ANXA10: variants seen among roughly 807,000 people sequenced by gnomAD.
ANXA10 encodes annexin 14.
A neutral mutation model predicts 53.5 loss-of-function variants in ANXA10; 49 were observed. The observed-to-expected ratio is 0.92, with a 90% CI of 0.73 to 1.16. The LOEUF is 1.16. ANXA10 is among the 50% of genes most tolerant of loss of function. The pLI, the probability that ANXA10 is intolerant of heterozygous loss-of-function variation, is 0.00. For missense variants in ANXA10, 393 were observed against 394.4 expected, an observed-to-expected ratio of 1.00 and a Z score of 0.03; for synonymous variants, 131 against 128.9, an observed-to-expected ratio of 1.02 and a Z score of -0.11.
At chr4:168,181,123 A>G (rs2149481589) in intron 9 of ANXA10, among the ~76,000 whole-genome samples, 1 of 152,300 alleles carries the variant, frequency 6.6e-6, no homozygotes, top group African/African-American at 2.4e-5. Flanking sequence ...TTTAATATTC[A>G]GATAAAGATG....
intron 1 of ANXA10, among the ~76,000 whole-genome samples, chr4:168,120,571 A>C (rs1730968694): frequency 6.6e-6 from 1 of 152,118 alleles, no homozygotes; most frequent in African/African-American, 2.4e-5. Flanking sequence ...CAGAATGTAC[A>C]TGTAATAAAT....
At chr4:168,126,490 C>A (rs1226014021) in intron 1 of ANXA10, among the ~76,000 whole-genome samples, 1 of 152,118 alleles carries the variant, frequency 6.6e-6, no homozygotes, top group African/African-American at 2.4e-5. Flanking sequence ...TTGTGGCTAC[C>A]ACCTCCAACT....
chr4:168,155,495 A>G (rs1264085041), intron 3 of ANXA10, among the ~76,000 whole-genome samples: 2 of 19,066 alleles, frequency 1.0e-4, no homozygotes, highest in African/African-American at 7.2e-4. Context: ...TATATAATAT[A>G]TAATTATATA....
intron 6 of ANXA10, among the ~76,000 whole-genome samples, chr4:168,168,177 C>G (rs1731916819): frequency 6.6e-6 from 1 of 152,168 alleles, no homozygotes; most frequent in African/African-American, 2.4e-5. Context: ...TAGTCTCCTT[C>G]CACCGTTACA....
intron 1 of ANXA10, among the ~76,000 whole-genome samples, chr4:168,107,097 G>A (rs983292451): frequency 2.6e-5 from 4 of 152,184 alleles, no homozygotes; most frequent in African/African-American, 7.2e-5. Context: ...AACGTATCCT[G>A]TAAAATTATC....
chr4:168,182,141 G>A (rs971501671), intron 10 of ANXA10, among the ~76,000 whole-genome samples: 1 of 151,960 alleles, frequency 6.6e-6, no homozygotes, highest in Non-Finnish European at 1.5e-5. Context: ...TGCCACGTTC[G>A]TGAAGTTTCA....
At chr4:168,103,803 CTTTA>C (rs1351332165) in intron 1 of ANXA10, among the ~76,000 whole-genome samples, 4 of 151,924 alleles carry the variant, frequency 2.6e-5, no homozygotes, top group South Asian at 2.1e-4. Context: ...TGGTACATAT[CTTTA>C]TTTATTTATC....
At chr4:168,113,820 A>G (rs145082255) in intron 1 of ANXA10, among the ~76,000 whole-genome samples, 81 of 152,336 alleles carry the variant, frequency 5.3e-4, no homozygotes, top group African/African-American at 1.9e-3. Context: ...ATGGTGTTGA[A>G]TTACTTCTTT....
rs774120531 is a variant in ANXA10, at chr4:168,164,303, AT to A, written c.400+16del. On this transcript the variant is annotated intron_variant, in intron 5 of 11. Coordinates refer to ENST00000359299, the MANE Select transcript of ANXA10 (RefSeq NM_007193.5). Reference sequence around the variant, plus strand: ...CTACTGCTTGCGTAAGGAAATATACATATGTGAATATATTTTACACATATAA... The same window carrying A: ...CTACTGCTTGCGTAAGGAAATATACAATGTGAATATATTTTACACATATAA... 38 of 1,548,472 alleles carry A rather than the reference AT, an allele frequency of 2.5e-5. No homozygotes were observed. Among genetic ancestry groups the A allele is most frequent in the Non-Finnish European group, 1.4e-5 (16 of 1,122,992 alleles).
At chr4:168,143,474 T>G (rs761638173) in intron 3 of ANXA10, among the ~76,000 whole-genome samples, 8 of 152,178 alleles carry the variant, frequency 5.3e-5, no homozygotes, top group Non-Finnish European at 1.2e-4. Flanking sequence ...TTGCAGAAAC[T>G]AATCCCTAGA....
At chr4:168,128,289 A>G in intron 2 of ANXA10, 124 bp downstream of exon 2, 1 of 560,862 alleles carries the variant, frequency 1.8e-6, no homozygotes. Flanking sequence ...TTAGACAAAA[A>G]AAAAAAAAAC....
At chr4:168,166,938 G>C (rs1445702659) in intron 6 of ANXA10, among the ~76,000 whole-genome samples, 3 of 152,038 alleles carry the variant, frequency 2.0e-5, no homozygotes. Context: ...CAGGTGGAGG[G>C]GACTAGAGTG....
chr4:168,136,840 TTAG>T (rs1389194810), intron 2 of ANXA10, among the ~76,000 whole-genome samples: 1 of 152,204 alleles, frequency 6.6e-6, no homozygotes. Context: ...CCACACTGCC[TTAG>T]TAGAGGTTCC....
At chr4:168,115,601 A>G (rs1730881575) in intron 1 of ANXA10, among the ~76,000 whole-genome samples, 1 of 151,234 alleles carries the variant, frequency 6.6e-6, no homozygotes, top group African/African-American at 2.4e-5. Flanking sequence ...TTTTGTTTTT[A>G]CTTGTAGGGT....
intron 6 of ANXA10, among the ~76,000 whole-genome samples, chr4:168,166,580 G>A (rs1411013760): frequency 6.6e-6 from 1 of 151,858 alleles, no homozygotes; most frequent in East Asian, 1.9e-4. Flanking sequence ...GGCCACAGCT[G>A]AGAAACATGT....
intron 1 of ANXA10, among the ~76,000 whole-genome samples, chr4:168,100,748 C>T (rs1025574471): frequency 1.6e-4 from 24 of 151,976 alleles, no homozygotes; most frequent in Non-Finnish European, 3.2e-4. Flanking sequence ...TAGATATGCA[C>T]CTAAAAATAC....
At chr4:168,121,746 AT>A (rs1730988223) in intron 1 of ANXA10, among the ~76,000 whole-genome samples, 1 of 151,798 alleles carries the variant, frequency 6.6e-6, no homozygotes, top group African/African-American at 2.4e-5. Flanking sequence ...TATACTCTCA[AT>A]TTTTTTCATT....
chr4:168,187,074 CTAA>C (rs1454781138), intron 11 of ANXA10, among the ~76,000 whole-genome samples: 1 of 151,914 alleles, frequency 6.6e-6, no homozygotes, highest in Non-Finnish European at 1.5e-5. Context: ...GTACATCTTC[CTAA>C]AGTTGAGGAG....
intron 3 of ANXA10, among the ~76,000 whole-genome samples, chr4:168,144,217 C>T (rs985381661): frequency 2.6e-5 from 4 of 152,016 alleles, no homozygotes; most frequent in African/African-American, 9.7e-5. Context: ...GACAAAGTCT[C>T]GCTCTGTCAC....
Sources: gnomAD v4.1 joint callset for allele counts (sites outside exome capture counted in the v4.1 genomes callset) on GRCh38, gnomAD v4.1.1 for gene constraint, MANE v1.5 for transcripts, NCBI Gene and HGNC (gene_info 2026-07-23, HGNC 2026-07-21) for gene names.